The following CCSER1 variants were observed in gnomAD, a reference collection of about 807,000 sequenced individuals.
CCSER1 encodes serine-rich coiled-coil domain-containing protein 1.
Under a neutral mutation model 82.0 loss-of-function variants are expected in CCSER1, and 41 were observed. The ratio of observed to expected loss-of-function variants is 0.50; its 90% CI spans 0.39 to 0.65. The LOEUF (loss-of-function observed/expected upper bound fraction) is 0.65. CCSER1 is among the 30% of genes least tolerant of loss of function. The probability of loss-of-function intolerance (pLI) is 0.00; values close to 1 mark genes in which losing one functional copy is unlikely to be tolerated. For synonymous variants in CCSER1, 414 were observed against 383.9 expected (o/e 1.08, Z -0.92); for missense variants, 1,119 against 1,064.2 (o/e 1.05, Z -0.72).
At chr4:91,409,537 T>C (rs1752902657) in intron 10 of CCSER1, among the ~76,000 whole-genome samples, 1 of 152,160 alleles carries the variant, frequency 6.6e-6, no homozygotes, top group Admixed American at 6.5e-5. Context: ...CAAAAGTAAT[T>C]TCAAAAACCT....
At chr4:91,378,416 T>A (rs1327922363) in intron 10 of CCSER1, among the ~76,000 whole-genome samples, 2 of 152,188 alleles carry the variant, frequency 1.3e-5, no homozygotes, top group African/African-American at 4.8e-5. Flanking sequence ...TGTGTCCTCT[T>A]TTATTTCATT....
intron 8 of CCSER1, among the ~76,000 whole-genome samples, chr4:90,881,197 A>G (rs1050417813): frequency 2.0e-5 from 3 of 152,104 alleles, no homozygotes; most frequent in African/African-American, 7.2e-5. Context: ...ACACTCTTAA[A>G]TATCAACCTC....
intron 4 of CCSER1, among the ~76,000 whole-genome samples, chr4:90,459,021 T>C (rs1362669138): frequency 6.6e-6 from 1 of 152,204 alleles, no homozygotes; most frequent in Non-Finnish European, 1.5e-5. Flanking sequence ...TGCATATGTA[T>C]GTGTTTATAG....
intron 3 of CCSER1, among the ~76,000 whole-genome samples, chr4:90,335,474 A>T (rs1468534108): frequency 2.6e-5 from 4 of 152,172 alleles, no homozygotes; most frequent in Admixed American, 6.5e-5. Flanking sequence ...TATTATTAGG[A>T]GACCTTAAGA....
intron 10 of CCSER1, among the ~76,000 whole-genome samples, chr4:91,122,230 T>A (rs1454963226): frequency 6.6e-6 from 1 of 151,770 alleles, no homozygotes; most frequent in Non-Finnish European, 1.5e-5. Context: ...TAGTGATGGT[T>A]CCTTGATACT....
At chr4:91,582,659 T>C (rs1329618074) in intron 10 of CCSER1, among the ~76,000 whole-genome samples, 1 of 151,310 alleles carries the variant, frequency 6.6e-6, no homozygotes, top group African/African-American at 2.4e-5. Context: ...GTAATTGTGG[T>C]TTTTTCATTA....
intron 10 of CCSER1, among the ~76,000 whole-genome samples, chr4:91,289,285 A>G (rs891950181): frequency 6.6e-6 from 1 of 152,028 alleles, no homozygotes; most frequent in African/African-American, 2.4e-5. Flanking sequence ...ATAATGTCCT[A>G]CATAAAATGT....
chr4:90,691,322 A>G (rs1735786524), intron 6 of CCSER1, among the ~76,000 whole-genome samples: 1 of 151,966 alleles, frequency 6.6e-6, no homozygotes, highest in African/African-American at 2.4e-5. Flanking sequence ...AGTCTTGATT[A>G]TTTTATTCCT....
intron 1 of CCSER1, among the ~76,000 whole-genome samples, chr4:90,215,539 C>T (rs906501796): frequency 3.9e-5 from 6 of 151,920 alleles, no homozygotes; most frequent in Non-Finnish European, 1.5e-5. Flanking sequence ...TCAGGAAAAA[C>T]ACCATTTATC....
intron 8 of CCSER1, among the ~76,000 whole-genome samples, chr4:90,839,416 A>C (rs543117473): frequency 5.9e-5 from 9 of 152,352 alleles, no homozygotes; most frequent in Non-Finnish European, 1.3e-4. Flanking sequence ...GTGAAAACTA[A>C]ATATGGGATA....
intron 1 of CCSER1, among the ~76,000 whole-genome samples, chr4:90,275,441 A>C (rs1223203921): frequency 1.3e-5 from 2 of 152,176 alleles, no homozygotes; most frequent in Non-Finnish European, 2.9e-5. Context: ...AAAATGTGAT[A>C]ATCGTAAGCC....
intron 3 of CCSER1, among the ~76,000 whole-genome samples, chr4:90,363,439 T>G (rs965794231): frequency 5.3e-5 from 8 of 152,184 alleles, no homozygotes; most frequent in Non-Finnish European, 2.9e-5. Context: ...TGAATATCAC[T>G]GTGGCACCTA....
At chr4:91,063,198 C>T (rs1744101972) in intron 9 of CCSER1, among the ~76,000 whole-genome samples, 2 of 151,974 alleles carry the variant, frequency 1.3e-5, no homozygotes, top group Admixed American at 6.6e-5. Context: ...AAACAGTGCC[C>T]CTCTACTTAC....
At chr4:90,891,078 T>C (rs999655546) in intron 8 of CCSER1, among the ~76,000 whole-genome samples, 1 of 152,036 alleles carries the variant, frequency 6.6e-6, no homozygotes, top group Admixed American at 6.6e-5. Context: ...GTAAATTAGA[T>C]AATTTCCAAA....
chr4:90,312,614 A>C (rs1180804012), intron 2 of CCSER1, among the ~76,000 whole-genome samples: 1 of 152,148 alleles, frequency 6.6e-6, no homozygotes, highest in Non-Finnish European at 1.5e-5. Context: ...AGTTTGAAGG[A>C]AATAAGGACA....
chr4:91,588,084 G>T (rs1230583748), intron 10 of CCSER1, among the ~76,000 whole-genome samples: 1 of 151,126 alleles, frequency 6.6e-6, no homozygotes, highest in Non-Finnish European at 1.5e-5. Flanking sequence ...ATTATATTTT[G>T]TGCTTTGTTG....
intron 8 of CCSER1, among the ~76,000 whole-genome samples, chr4:90,831,367 A>G (rs1221480492): frequency 6.6e-6 from 1 of 152,172 alleles, no homozygotes. Context: ...CTATCTTGTT[A>G]TAATCTGTCA....
At chr4:90,368,216 C>T (rs1408762211) in intron 3 of CCSER1, among the ~76,000 whole-genome samples, 1 of 152,040 alleles carries the variant, frequency 6.6e-6, no homozygotes, top group African/African-American at 2.4e-5. Context: ...TAAAGACAAG[C>T]TGTTAAACAG....
chr4:91,045,395 G>A lies in CCSER1; in HGVS notation c.2173-40555G>A, dbSNP rs1581414116. On this transcript the variant is annotated intron_variant, in intron 9 of 10. Coordinates refer to ENST00000509176, the MANE Select transcript of CCSER1 (RefSeq NM_001145065.2). ...CTTAGAAAAGATTTGGCATATTTTT[G>A]TAGATTTTATGCATTTTCACAATTA... 2.0e-5 allele frequency among the ~76,000 whole-genome samples: 3 copies of A among 152,044 alleles called. No individual in the cohort carries two copies. The South Asian group carries it at 6.2e-4, about 31-fold the overall frequency.
Sources: allele counts gnomAD v4.1 joint callset (sites outside exome capture counted in the v4.1 genomes callset), GRCh38; gene constraint gnomAD v4.1.1; transcripts MANE v1.5; gene names NCBI Gene and HGNC (gene_info 2026-07-23, HGNC 2026-07-21).